The following PADI3 variants were observed in gnomAD, a reference collection of about 807,000 sequenced individuals.
PADI3 encodes the protein protein-arginine deiminase type-3.
PADI3 carries 53 observed loss-of-function variants against 71.5 expected under a neutral mutation model. The ratio of observed to expected loss-of-function variants is 0.74; its 90% CI spans 0.59 to 0.93. The LOEUF (loss-of-function observed/expected upper bound fraction) is 0.93, where lower values mean the gene tolerates loss of function less well. Ranked by LOEUF, PADI3 falls within the 40% of genes least tolerant of loss-of-function variation. PADI3 has a pLI of 0.00. For missense variants in PADI3, 821 were observed against 868.0 expected (o/e 0.95, Z 0.68); for synonymous variants, 361 against 347.5 (o/e 1.04, Z -0.43).
intron 3 of PADI3, 116 bp from the exon 4 acceptor site, chr1:17,265,543 T>A: frequency 2.3e-6 from 2 of 881,478 alleles, no homozygotes; most frequent in Non-Finnish European, 3.8e-6. Flanking sequence ...ACCTCTTGGA[T>A]GGTGTCTCCT....
At chr1:17,265,822 C>A in intron 4 of PADI3, 102 bp downstream of exon 4, 1 of 1,021,462 alleles carries the variant, frequency 9.8e-7, no homozygotes, top group South Asian at 1.3e-5. Flanking sequence ...CCCTGCCTCC[C>A]AGCTGATGCC....
chr1:17,270,314 A>G lies in PADI3; in HGVS notation c.734A>G (p.Asp245Gly), dbSNP rs114505088. The G allele has an allele frequency of 2.0e-3, 3,225 of 1,613,898 alleles. 51 individuals are homozygous for G. In the African/African-American group the frequency reaches 0.036, roughly 18 times the overall value. Reference protein sequence around the residue: ...VSYEVPRLHGDEERFFVEGLS... With the variant: ...VSYEVPRLHGGEERFFVEGLS... ...TATGAGGTACCCCGCTTGCATGGGG[A>G]TGAGGAGCGCTTCTTCGTGGAAGGC... Residue 245 changes from aspartate to glycine, a missense_variant, in exon 7 of 16, where the codon GAT becomes GGT. Coordinates refer to ENST00000375460, the MANE Select transcript of PADI3 (RefSeq NM_016233.2).
Position 17,280,697 on chromosome 1 carries a change from G to C in PADI3, c.1662G>C (p.Val554=). 1 of 1,614,190 alleles carries C rather than the reference G, an allele frequency of 6.2e-7. No homozygotes were observed. The highest frequency in any genetic ancestry group is 8.5e-7 in the Non-Finnish European group (1 of 1,180,032). ...GCTGCATCGACTGGAACCGTGAGGT[G>C]CTGAAGCGGGAGCTGGGCCTGGCAG... is the stretch of plus-strand genomic sequence containing the variant. ...VQSCIDWNRE[V]LKRELGLAEC... is the part of the protein sequence containing the mutation. Residue 554 remains valine, a synonymous_variant, in exon 15 of 16, where the codon GTG becomes GTC. Transcript: ENST00000375460.
chr1:17,270,248 G>A lies in PADI3; in HGVS notation c.668G>A (p.Cys223Tyr). 1 of 1,612,574 alleles carries A rather than the reference G, an allele frequency of 6.2e-7. No homozygotes were observed. Among genetic ancestry groups the A allele is most frequent in the Non-Finnish European group, 8.5e-7 (1 of 1,179,138 alleles). ...CCCCTTCCAGGTCCTGAGGATGTGT[G>A]TGAGGCCTATAGGCATGTGCTGGGC... ...VFHICGPEDV[C>Y]EAYRHVLGQD... The change falls in exon 7 of 16, where the codon TGT (cysteine) becomes TAT (tyrosine). Residue 223 changes from cysteine to tyrosine, a missense_variant. Coordinates refer to ENST00000375460, the MANE Select transcript of PADI3 (RefSeq NM_016233.2).
rs2073302391 is a variant in PADI3, at chr1:17,274,708, TG to T, written c.1231del (p.Glu411ArgfsTer65). The T allele has an allele frequency of 6.2e-7, 1 of 1,613,876 alleles. No homozygotes were observed. Among genetic ancestry groups the T allele is most frequent in the Middle Eastern group, 1.6e-4 (1 of 6,062 alleles). ...AGTGGCCTGGACTCCTTTGGGAACCTGGAGGTCAGCCCTCCAGTGGTGGCCA... is the reference window on the plus strand; with the variant it reads ...AGTGGCCTGGACTCCTTTGGGAACCTGAGGTCAGCCCTCCAGTGGTGGCCA... Reference protein sequence around the residue: ...SVSGLDSFGNLEVSPPVVANG... With the variant: ...SVSGLDSFGNXEVSPPVVANG... On this transcript the variant is annotated frameshift_variant, in exon 11 of 16. Coordinates refer to ENST00000375460, the MANE Select transcript of PADI3 (RefSeq NM_016233.2). LOFTEE classifies it high-confidence loss of function.
At chr1:17,264,331 T>TACACACACACACACAC (rs60223695) in intron 3 of PADI3, among the ~76,000 whole-genome samples, 8 of 148,112 alleles carry the variant, frequency 5.4e-5, no homozygotes, top group Non-Finnish European at 9.0e-5. Context: ...AAAGCATATG[T>TACACACACACACACAC]ACACACACAC....
At chr1:17,269,842 C>A (rs1268877063) in intron 6 of PADI3, among the ~76,000 whole-genome samples, 1 of 152,062 alleles carries the variant, frequency 6.6e-6, no homozygotes, top group East Asian at 1.9e-4. Context: ...TGGTCTTGAA[C>A]TCCTAACTTC....
rs1448371183 is a variant in PADI3 at position 17,276,768 on chromosome 1, A to C, written c.1453-6A>C. ...AGGCTCAGCTGAATCTGTTCTCTGC[A>C]CGCAGGGCTTCCGGATGCTCCTGGC... On this transcript the variant is annotated splice_region_variant and splice_polypyrimidine_tract_variant and intron_variant, in intron 12 of 15. Transcript: ENST00000375460. 1 of 1,613,602 alleles carries C rather than the reference A, an allele frequency of 6.2e-7. No homozygotes were observed. Among genetic ancestry groups the C allele is most frequent in the African/African-American group, 1.3e-5 (1 of 74,950 alleles).
rs186036984 is a variant in PADI3 at position 17,262,083 on chromosome 1, C to A, written c.274-50C>A. 6 of 1,524,200 alleles carry A rather than the reference C, an allele frequency of 3.9e-6. No individual in the cohort carries two copies. The Admixed American group carries it at 5.1e-5, about 13-fold the overall frequency. 94.4% of individuals were successfully genotyped at this position (1,524,200 alleles called of 1,614,324 possible). A position where few individuals can be genotyped will look rare whatever the true frequency, so the allele number is the denominator to read the frequency against. ...GATCCCCGAGAGCTATCTTTTGGGG[C>A]GGGAGCTCTTGGCTTCTGCTGGTAT... is the stretch of plus-strand genomic sequence containing the variant. On this transcript the variant is annotated intron_variant, in intron 2 of 15. Coordinates refer to ENST00000375460, the MANE Select transcript of PADI3 (RefSeq NM_016233.2).
intron 1 of PADI3, 108 bp downstream of exon 1, chr1:17,249,337 G>A (rs1244016031): frequency 6.8e-6 from 6 of 885,674 alleles, no homozygotes; most frequent in South Asian, 1.3e-5. Context: ...CCCAGCCTTG[G>A]CCTCGGAACA....
intron 1 of PADI3, among the ~76,000 whole-genome samples, chr1:17,253,319 G>T (rs1424554778): frequency 6.6e-6 from 1 of 152,202 alleles, no homozygotes; most frequent in East Asian, 1.9e-4. Context: ...CTGCAGAGGG[G>T]CCCAGCGCAC....
intron 1 of PADI3, among the ~76,000 whole-genome samples, chr1:17,254,901 A>G (rs2073009855): frequency 6.6e-6 from 1 of 152,014 alleles, no homozygotes; most frequent in African/African-American, 2.4e-5. Context: ...TTTTTAGTGG[A>G]GACGTGGTTT....
intron 13 of PADI3, among the ~76,000 whole-genome samples, chr1:17,277,353 C>T (rs988964156): frequency 3.3e-5 from 5 of 152,158 alleles, no homozygotes; most frequent in African/African-American, 1.2e-4. Context: ...CGCCACCACG[C>T]CCGGCTAATT....
rs754339735 is a variant in PADI3 at position 17,274,772 on chromosome 1, G to C, written c.1293G>C (p.Gly431=). 4.3e-6 allele frequency: 7 copies of C among 1,613,604 alleles called. No homozygotes were observed. The East Asian group carries it at 1.6e-4, about 36-fold the overall frequency. ...KEYPLGRILI[G]GNLPGSSGRR... is the part of the protein sequence containing the mutation. ...ACCCCCTGGGGAGGATCCTCATTGG[G>C]GGCAACCTGCCTGGGTGAGAGAGAG... Residue 431 remains glycine (G), a synonymous_variant, in exon 11 of 16, where the codon GGG becomes GGC. Coordinates refer to ENST00000375460, the MANE Select transcript of PADI3 (RefSeq NM_016233.2).
intron 1 of PADI3, among the ~76,000 whole-genome samples, chr1:17,254,073 C>T (rs4920581): frequency 0.08 from 12,168 of 152,106 alleles, 583 homozygotes; most frequent in South Asian, 0.2. Flanking sequence ...CTTTTAAATA[C>T]GGGGGATTTG....
Position 17,262,180 on chromosome 1 carries a change from T to C in PADI3, c.321T>C (p.Tyr107=), listed in dbSNP as rs2100569467. The C allele has an allele frequency of 6.2e-7, 1 of 1,612,816 alleles. No homozygotes were observed. The highest frequency in any genetic ancestry group is 8.5e-7 in the Non-Finnish European group (1 of 1,179,686). The change falls in exon 3 of 16, where the codon TAT becomes TAC. Residue 107 remains tyrosine, a synonymous_variant. Transcript: ENST00000375460. ...GCCATGAGCCTCTGCCCCTGGCCTA[T>C]GCGGTGCTCTACCTCACCTGTGTTG... ...HSSHEPLPLA[Y]AVLYLTCVDI... is the part of the protein sequence containing the mutation.
rs572894812 is a variant in PADI3, at chr1:17,276,592, C to G, written c.1381C>G (p.Leu461Val). The change falls in exon 12 of 16, where the codon CTC (leucine) becomes GTC (valine). Residue 461 changes from leucine (L) to valine (V), a missense_variant. By Grantham distance (32) the Leu-to-Val change is conservative. Transcript: ENST00000375460. Reference protein sequence around the residue: ...HAQKVQPPVELFVDWLAVGHV... With the variant: ...HAQKVQPPVEVFVDWLAVGHV... ...CCAGAAGGTGCAGCCCCCCGTGGAG[C>G]TCTTTGTGGACTGGTTGGCCGTGGG... The G allele has an allele frequency of 6.2e-7, 1 of 1,614,184 alleles. No individual in the cohort carries two copies. Among genetic ancestry groups the G allele is most frequent in the South Asian group, 1.1e-5 (1 of 91,080 alleles).
chr1:17,268,091 C>T (rs1275162723), intron 6 of PADI3, 129 bp downstream of exon 6: 12 of 1,078,560 alleles, frequency 1.1e-5, no homozygotes, highest in African/African-American at 3.1e-5. Flanking sequence ...TGGTGGGTGG[C>T]GGGTCGCAGT....
rs996744658 is a variant in PADI3, at chr1:17,283,860, T to A, written c.*781T>A. On this transcript the variant is annotated 3_prime_UTR_variant, in exon 16 of 16. Transcript: ENST00000375460. ...ACTGGGTACAAGGGTGAAAAGTAGTTCCCATAATACACATGGTTGACTATG... is the reference window on the plus strand; with the variant it reads ...ACTGGGTACAAGGGTGAAAAGTAGTACCCATAATACACATGGTTGACTATG... The A allele has an allele frequency of 6.6e-6, 1 of 152,220 alleles. No homozygotes were observed. The highest frequency in any genetic ancestry group is 6.5e-5 in the Admixed American group (1 of 15,268). The allele number at this position is 152,220 out of a possible 1,614,324, so 9.4% of individuals were successfully genotyped here. A position where few individuals can be genotyped will look rare whatever the true frequency, so the allele number is the denominator to read the frequency against.
Sources: gnomAD v4.1 joint callset for allele counts (sites outside exome capture counted in the v4.1 genomes callset) on GRCh38, gnomAD v4.1.1 for gene constraint, MANE v1.5 for transcripts, NCBI Gene and HGNC (gene_info 2026-07-23, HGNC 2026-07-21) for gene names.